DHRSX: variants seen among roughly 807,000 people sequenced by gnomAD.
DHRSX encodes dehydrogenase/reductase X-linked.
A neutral mutation model predicts 34.0 loss-of-function variants in DHRSX; 31 were observed. The observed-to-expected ratio is 0.91, with a 90% confidence interval of 0.69 to 1.23. The LOEUF (loss-of-function observed/expected upper bound fraction) is 1.23, where lower values mean the gene tolerates loss of function less well. DHRSX is among the 50% of genes most tolerant of loss of function. The pLI, the probability that DHRSX is intolerant of heterozygous loss-of-function variation, is 0.00. For missense variants in DHRSX, 414 were observed against 428.1 expected, an observed-to-expected ratio of 0.97 and a Z score of 0.29; for synonymous variants, 201 against 183.8, an observed-to-expected ratio of 1.09 and a Z score of -0.76.
intron 1 of DHRSX, among the ~76,000 whole-genome samples, chrX:2,464,205 G>GCCA (rs112829877): frequency 0.62 from 93,173 of 150,716 alleles, 31,145 homozygotes; most frequent in African/African-American, 0.9. Flanking sequence ...CTAAGGGACC[G>GCCA]CCGTGTACAC....
chrX:2,462,569 G>T (rs1215548013), intron 1 of DHRSX, among the ~76,000 whole-genome samples: 15 of 152,104 alleles, frequency 9.9e-5, no homozygotes, highest in African/African-American at 3.4e-4. Flanking sequence ...TATCGGACAT[G>T]CTGGGTTGGA....
At chrX:2,386,184 T>TTTA (rs929856339) in intron 3 of DHRSX, among the ~76,000 whole-genome samples, 5 of 150,614 alleles carry the variant, frequency 3.3e-5, no homozygotes, top group Non-Finnish European at 7.4e-5. Flanking sequence ...TATTTATTTA[T>TTTA]TTATTTATTT....
chrX:2,467,484 G>C (rs1232354836), intron 1 of DHRSX, among the ~76,000 whole-genome samples: 1 of 152,124 alleles, frequency 6.6e-6, no homozygotes, highest in Non-Finnish European at 1.5e-5. Context: ...GACTGTAACA[G>C]GGACAACGTG....
chrX:2,338,953 A>G (rs62583717), intron 3 of DHRSX, among the ~76,000 whole-genome samples: 42,977 of 151,552 alleles, frequency 0.28, 7,646 homozygotes, highest in African/African-American at 0.49. Flanking sequence ...CACTCCCCAT[A>G]TGAGCTCAGA....
At chrX:2,489,765 C>T in intron 1 of DHRSX, 1 of 1,613,386 alleles carries the variant, frequency 6.2e-7, no homozygotes, top group Non-Finnish European at 8.5e-7. Flanking sequence ...AAGTACTCCA[C>T]CAGTTTGCGG....
chrX:2,365,733 A>C (rs755737549), intron 3 of DHRSX, among the ~76,000 whole-genome samples: 112 of 152,094 alleles, frequency 7.4e-4, no homozygotes, highest in Admixed American at 1.4e-3. Context: ...ACCATAGCAA[A>C]GGGTGACTGC....
intron 3 of DHRSX, among the ~76,000 whole-genome samples, chrX:2,321,046 C>G (rs1398558456): frequency 6.6e-6 from 1 of 152,064 alleles, no homozygotes; most frequent in African/African-American, 2.4e-5. Flanking sequence ...CCACTTCAGC[C>G]GAACACTGGC....
At chrX:2,276,451 C>T (rs2041650448) in intron 4 of DHRSX, among the ~76,000 whole-genome samples, 1 of 152,106 alleles carries the variant, frequency 6.6e-6, no homozygotes, top group South Asian at 2.1e-4. Flanking sequence ...AAACTATCGT[C>T]CATCGATCTG....
At chrX:2,309,129 G>C (rs2042134753) in intron 3 of DHRSX, among the ~76,000 whole-genome samples, 1 of 152,004 alleles carries the variant, frequency 6.6e-6, no homozygotes, top group Admixed American at 6.6e-5. Context: ...AGGAAATTAG[G>C]TCTAATCAGA....
At chrX:2,245,159 C>T (rs1222619022) in intron 5 of DHRSX, among the ~76,000 whole-genome samples, 1 of 152,134 alleles carries the variant, frequency 6.6e-6, no homozygotes, top group Admixed American at 6.5e-5. Flanking sequence ...TTCAAAGTCA[C>T]CCCTGTGCTC....
chrX:2,272,728 C>G (rs905320582), intron 4 of DHRSX, among the ~76,000 whole-genome samples: 13 of 152,090 alleles, frequency 8.5e-5, no homozygotes, highest in Non-Finnish European at 1.3e-4. Flanking sequence ...TTCTTGACAC[C>G]AGAGAAAGCT....
At chrX:2,459,825 G>A (rs2044378095) in intron 1 of DHRSX, among the ~76,000 whole-genome samples, 1 of 151,784 alleles carries the variant, frequency 6.6e-6, no homozygotes, top group South Asian at 2.1e-4. Context: ...TATCTACACT[G>A]GGCCGGGCGC....
At chrX:2,471,687 A>G (rs897624487) in intron 1 of DHRSX, among the ~76,000 whole-genome samples, 3 of 152,188 alleles carry the variant, frequency 2.0e-5, no homozygotes, top group Admixed American at 2.0e-4. Flanking sequence ...GGAAATTGCA[A>G]TTGCAATCAC....
At chrX:2,446,056 G>C (rs1418643405) in intron 1 of DHRSX, among the ~76,000 whole-genome samples, 1 of 151,748 alleles carries the variant, frequency 6.6e-6, no homozygotes, top group African/African-American at 2.4e-5. Flanking sequence ...TTGTGGCTAA[G>C]GGACCGCCAT....
At chrX:2,399,183 G>A (rs912725526) in intron 3 of DHRSX, among the ~76,000 whole-genome samples, 2 of 152,040 alleles carry the variant, frequency 1.3e-5, no homozygotes, top group Non-Finnish European at 2.9e-5. Context: ...TGAGACCTGC[G>A]AGGACCAATT....
chrX:2,400,018 A>T (rs887036245), intron 3 of DHRSX, among the ~76,000 whole-genome samples: 1 of 152,200 alleles, frequency 6.6e-6, no homozygotes, highest in Non-Finnish European at 1.5e-5. Context: ...CCTGGGTGAC[A>T]GAGCAAGACC....
At chrX:2,434,496 C>G (rs2043968839) in intron 1 of DHRSX, among the ~76,000 whole-genome samples, 1 of 152,046 alleles carries the variant, frequency 6.6e-6, no homozygotes, top group Non-Finnish European at 1.5e-5. Flanking sequence ...ATAGCAAGAC[C>G]CTACCTCTAC....
At chrX:2,271,461 C>T (rs369679929) in intron 4 of DHRSX, among the ~76,000 whole-genome samples, 2 of 152,212 alleles carry the variant, frequency 1.3e-5, no homozygotes, top group African/African-American at 2.4e-5. Context: ...GCAGTCCTTG[C>T]TTCTCACCTG....
At chrX:2,317,442 G>A (rs1277175893) in intron 3 of DHRSX, among the ~76,000 whole-genome samples, 7 of 150,302 alleles carry the variant, frequency 4.7e-5, no homozygotes, top group African/African-American at 1.7e-4. Context: ...CAGTACAGAC[G>A]GGGTTTTGCC....
Sources: gnomAD v4.1 joint callset for allele counts (sites outside exome capture counted in the v4.1 genomes callset) on GRCh38, gnomAD v4.1.1 for gene constraint, MANE v1.5 for transcripts, NCBI Gene and HGNC (gene_info 2026-07-23, HGNC 2026-07-21) for gene names.